The following CERS6 variants were observed in gnomAD, a reference collection of about 807,000 sequenced individuals.
CERS6 encodes the protein LAG1 homolog, ceramide synthase 6.
A neutral mutation model predicts 56.8 loss-of-function variants in CERS6; 26 were observed. The observed-to-expected ratio is 0.46, with a 90% confidence interval of 0.34 to 0.63. The LOEUF (loss-of-function observed/expected upper bound fraction) is 0.63, where lower values mean the gene tolerates loss of function less well. CERS6 is among the 30% of genes least tolerant of loss of function. The pLI is 0.01. For synonymous variants in CERS6, 164 were observed against 173.3 expected, an observed-to-expected ratio of 0.95 and a Z score of 0.42; for missense variants, 415 against 467.5, an observed-to-expected ratio of 0.89 and a Z score of 1.04.
chr2:168,734,269 G>A (rs1683644838), intron 8 of CERS6, among the ~76,000 whole-genome samples: 1 of 152,128 alleles, frequency 6.6e-6, no homozygotes, highest in Non-Finnish European at 1.5e-5. Flanking sequence ...AAAATAAGCT[G>A]ACCATCAGTT....
chr2:168,669,165 T>C (rs1282804536), intron 4 of CERS6, among the ~76,000 whole-genome samples: 2 of 152,248 alleles, frequency 1.3e-5, no homozygotes, highest in African/African-American at 4.8e-5. Context: ...ATGGGGACTC[T>C]CTGTCTTTAT....
intron 8 of CERS6, among the ~76,000 whole-genome samples, chr2:168,747,027 G>T (rs1684129085): frequency 6.6e-6 from 1 of 151,672 alleles, no homozygotes; most frequent in African/African-American, 2.4e-5. Context: ...TTATACATAT[G>T]TGTGTAAAAT....
At chr2:168,465,125 A>C (rs1235242623) in intron 1 of CERS6, among the ~76,000 whole-genome samples, 1 of 152,240 alleles carries the variant, frequency 6.6e-6, no homozygotes, top group Non-Finnish European at 1.5e-5. Context: ...GAGCAACCAA[A>C]GTGTCTATTG....
rs371957738 is a variant in CERS6, at chr2:168,673,164, G to A, written c.466-17870G>A. 4.5e-4 allele frequency among the ~76,000 whole-genome samples: 69 copies of A among 152,222 alleles called. 1 individual carries two copies. Among genetic ancestry groups the A allele is most frequent in the African/African-American group, 1.6e-3 (66 of 41,542 alleles). ...TTATTATCATCAAATTTTCATCAGT[G>A]TTTAATTCAGAAAATTTTATTTTTT... is the stretch of plus-strand genomic sequence containing the variant. On this transcript the variant is annotated intron_variant, in intron 4 of 9. Transcript: ENST00000305747.
Position 168,772,443 on chromosome 2 carries a change from A to C in CERS6, c.*2781A>C, listed in dbSNP as rs750853837. 3.3e-5 allele frequency: 5 copies of C among 152,646 alleles called. No homozygotes were observed. The highest frequency in any genetic ancestry group is 7.3e-5 in the Non-Finnish European group (5 of 68,036). The allele number at this position is 152,646 out of a possible 1,614,324, so 9.5% of individuals were successfully genotyped here. Reference sequence around the variant, plus strand: ...TATATATATGTATGTTTCTCCAAAAAGTGATAAAACCAAAATATCACTGAC... The same window carrying C: ...TATATATATGTATGTTTCTCCAAAACGTGATAAAACCAAAATATCACTGAC... On this transcript the variant is annotated 3_prime_UTR_variant, in exon 10 of 10. Transcript: ENST00000305747.
intron 3 of CERS6, among the ~76,000 whole-genome samples, chr2:168,624,607 A>G (rs1313979098): frequency 1.3e-5 from 2 of 152,112 alleles, no homozygotes; most frequent in Non-Finnish European, 2.9e-5. Flanking sequence ...TAAATAGGTG[A>G]CACCCCCCAC....
At chr2:168,590,960 G>A (rs561792178) in intron 3 of CERS6, among the ~76,000 whole-genome samples, 1 of 152,280 alleles carries the variant, frequency 6.6e-6, no homozygotes, top group African/African-American at 2.4e-5. Flanking sequence ...TTGCTGCCTC[G>A]TATGGCATTA....
At chr2:168,530,510 A>G (rs1262966810) in intron 1 of CERS6, among the ~76,000 whole-genome samples, 1 of 152,244 alleles carries the variant, frequency 6.6e-6, no homozygotes, top group Non-Finnish European at 1.5e-5. Context: ...TTCTTCTACA[A>G]TTTGATGTTT....
At chr2:168,720,810 A>G (rs1687345767) in intron 8 of CERS6, among the ~76,000 whole-genome samples, 1 of 152,248 alleles carries the variant, frequency 6.6e-6, no homozygotes, top group Non-Finnish European at 1.5e-5. Flanking sequence ...AAAAAAGAAC[A>G]GTAACTCAAT....
intron 6 of CERS6, among the ~76,000 whole-genome samples, chr2:168,701,897 C>T (rs564131482): frequency 2.0e-5 from 3 of 151,802 alleles, no homozygotes; most frequent in Non-Finnish European, 4.4e-5. Context: ...TTTGTACAAC[C>T]GATGCACATC....
At chr2:168,684,914 G>T (rs1234676232) in intron 4 of CERS6, among the ~76,000 whole-genome samples, 1 of 151,938 alleles carries the variant, frequency 6.6e-6, no homozygotes, top group African/African-American at 2.4e-5. Context: ...TTTTTCTTAT[G>T]TTTTTTTTCT....
intron 4 of CERS6, among the ~76,000 whole-genome samples, chr2:168,642,078 A>G (rs910385354): frequency 6.6e-6 from 1 of 150,978 alleles, no homozygotes; most frequent in African/African-American, 2.5e-5. Flanking sequence ...AGCAGTAAAA[A>G]TGATCTACTG....
intron 3 of CERS6, among the ~76,000 whole-genome samples, chr2:168,591,223 A>G (rs940902276): frequency 1.3e-5 from 2 of 152,250 alleles, no homozygotes; most frequent in Non-Finnish European, 2.9e-5. Flanking sequence ...TAAACTTCTT[A>G]AAAAGATAAA....
chr2:168,675,069 G>A (rs946685162), intron 4 of CERS6, among the ~76,000 whole-genome samples: 1 of 151,948 alleles, frequency 6.6e-6, no homozygotes, highest in African/African-American at 2.4e-5. Flanking sequence ...CACCTCCTGG[G>A]TTCAAGCAAT....
rs376524029 is a variant in CERS6, at chr2:168,717,903, A to T, written c.770A>T (p.Gln257Leu). Residue 257 changes from glutamine to leucine, a missense_variant, in exon 8 of 10, where the codon CAG becomes CTG. By Grantham distance (113) the Gln-to-Leu change is moderately radical. Transcript: ENST00000305747. ...AAKMANYAKFQKMCDLLFVMF... is the reference protein window; with the variant it reads ...AAKMANYAKFLKMCDLLFVMF... ...AAAATGGCAAATTATGCCAAGTTTC[A>T]GAAAATGTGTGATCTCCTGTTTGTT... is the stretch of plus-strand genomic sequence containing the variant. 1.9e-6 allele frequency: 3 copies of T among 1,613,746 alleles called. No homozygotes were observed. Among genetic ancestry groups the T allele is most frequent in the Non-Finnish European group, 2.5e-6 (3 of 1,179,774 alleles).
At chr2:168,638,386 A>G (rs1282909559) in intron 4 of CERS6, among the ~76,000 whole-genome samples, 1 of 152,026 alleles carries the variant, frequency 6.6e-6, no homozygotes, top group Non-Finnish European at 1.5e-5. Context: ...GTTTGAGGTG[A>G]TGAATATCCC....
At chr2:168,611,935 A>G (rs1318025169) in intron 3 of CERS6, among the ~76,000 whole-genome samples, 5 of 152,152 alleles carry the variant, frequency 3.3e-5, no homozygotes, top group Non-Finnish European at 5.9e-5. Flanking sequence ...CTAGAGTCAT[A>G]TTGTAGTTGG....
At position 168,708,076 on chromosome 2, in the gene CERS6, A is replaced by G. The variant is rs561794798; in HGVS notation, c.610-6925A>G. Among the ~76,000 whole-genome samples the G allele has an allele frequency of 6.6e-5, 10 of 152,212 alleles. No individual in the cohort carries two copies. The South Asian group carries it at 1.5e-3, about 22-fold the overall frequency. ...TTTCTTTGTTTAAGAGGTTTTATATATATTCATCCTGATCATCAGGACTTT... is the reference window on the plus strand; with the variant it reads ...TTTCTTTGTTTAAGAGGTTTTATATGTATTCATCCTGATCATCAGGACTTT... On this transcript the variant is annotated intron_variant, in intron 6 of 9. Coordinates refer to ENST00000305747, the MANE Select transcript of CERS6 (RefSeq NM_203463.3).
intron 4 of CERS6, among the ~76,000 whole-genome samples, chr2:168,686,997 A>C (rs944024003): frequency 6.6e-6 from 1 of 152,220 alleles, no homozygotes; most frequent in Non-Finnish European, 1.5e-5. Context: ...ACCAGACTCC[A>C]TAGAAACTTC....
Sources: gnomAD v4.1 joint callset for allele counts (sites outside exome capture counted in the v4.1 genomes callset) on GRCh38, gnomAD v4.1.1 for gene constraint, MANE v1.5 for transcripts, NCBI Gene and HGNC (gene_info 2026-07-23, HGNC 2026-07-21) for gene names.